The following DEPDC5 variants were observed in gnomAD, a reference collection of about 807,000 sequenced individuals.
DEPDC5 encodes DEP domain containing 5, GATOR1 subcomplex subunit.
DEPDC5 carries 73 observed loss-of-function variants against 217.3 expected under a neutral mutation model. That is an observed-to-expected ratio of 0.34 (90% CI 0.28 to 0.41). The LOEUF (loss-of-function observed/expected upper bound fraction) is 0.41. DEPDC5 is among the 10% of genes least tolerant of loss of function. The probability of loss-of-function intolerance (pLI) is 1.00; values close to 1 mark genes in which losing one functional copy is unlikely to be tolerated. For synonymous variants in DEPDC5, 733 were observed against 756.7 expected (o/e 0.97, Z 0.51); for missense variants, 1,675 against 2,070.1 (o/e 0.81, Z 3.70).
intron 12 of DEPDC5, among the ~76,000 whole-genome samples, 183 bp from the exon 13 acceptor site, chr22:31,797,417 G>A (rs1328791067): frequency 2.6e-5 from 4 of 151,934 alleles, no homozygotes; most frequent in South Asian, 2.1e-4. Context: ...ATCAGATATC[G>A]TGAGAACTCC....
At chr22:31,755,116 A>T in intron 2 of DEPDC5, 137 bp downstream of exon 2, 1 of 907,734 alleles carries the variant, frequency 1.1e-6, no homozygotes, top group Non-Finnish European at 1.7e-6. Flanking sequence ...AGCAACTGTC[A>T]TACAGTAACA....
chr22:31,814,515 A>G (rs1007639326), intron 20 of DEPDC5: 7 of 161,638 alleles, frequency 4.3e-5, no homozygotes, highest in African/African-American at 1.7e-4. Context: ...TGCTTTCTAC[A>G]TTTGGCTGAT....
chr22:31,803,953 T>C (rs1450480909), intron 15 of DEPDC5, among the ~76,000 whole-genome samples: 1 of 152,174 alleles, frequency 6.6e-6, no homozygotes, highest in Non-Finnish European at 1.5e-5. Context: ...CACCGAATAA[T>C]GATACGTTAG....
chr22:31,852,965 GGATGAA>G (rs1328021632), intron 31 of DEPDC5: 1 of 152,354 alleles, frequency 6.6e-6, no homozygotes, highest in East Asian at 1.9e-4. Flanking sequence ...GAAAAGGAAG[GGATGAA>G]GAACACGGCA....
chr22:31,859,432 C>T (rs2092434471), intron 32 of DEPDC5, among the ~76,000 whole-genome samples: 1 of 142,380 alleles, frequency 7.0e-6, no homozygotes, highest in Non-Finnish European at 1.5e-5. Flanking sequence ...GTCACCCAGG[C>T]TGAAGTGCAG....
Position 31,778,153 on chromosome 22 carries a change from C to T in DEPDC5, c.468C>T (p.Ile156=). Residue 156 remains isoleucine, a synonymous_variant, in exon 8 of 43, where the codon ATC becomes ATT. Transcript: ENST00000651528. ...ATGAGAAGGTCATGTGTGGCTACAT[C>T]AGTGAAGATACCAGGGTAAGATTTA... ...VKNEKVMCGY[I]SEDTRVVFRS... is the part of the protein sequence containing the mutation. 1 of 1,614,114 alleles carries T rather than the reference C, an allele frequency of 6.2e-7. No homozygotes were observed. Among genetic ancestry groups the T allele is most frequent in the Non-Finnish European group, 8.5e-7 (1 of 1,179,980 alleles).
At chr22:31,866,784 A>G (rs2092701231) in intron 33 of DEPDC5, among the ~76,000 whole-genome samples, 1 of 151,978 alleles carries the variant, frequency 6.6e-6, no homozygotes, top group Admixed American at 6.6e-5. Context: ...GTTTTTTTTC[A>G]TGGTTAGACT....
At chr22:31,874,493 A>G in intron 36 of DEPDC5, 88 bp downstream of exon 36, 1 of 1,466,422 alleles carries the variant, frequency 6.8e-7, no homozygotes, top group East Asian at 2.5e-5. Context: ...CTTTCCAGTA[A>G]TGAGATCTGC....
chr22:31,847,582 C>G (rs1003701112), intron 31 of DEPDC5, among the ~76,000 whole-genome samples: 1 of 152,148 alleles, frequency 6.6e-6, no homozygotes, highest in African/African-American at 2.4e-5. Flanking sequence ...GGAAAAGCCC[C>G]TTATAAAACC....
In DEPDC5 at chr22:31,833,861, A is replaced by G. The variant is rs567316709; in HGVS notation, c.2105-54A>G. 9.8e-6 allele frequency: 14 copies of G among 1,431,032 alleles called. No homozygotes were observed. In the South Asian group the frequency reaches 2.1e-4, roughly 22 times the overall value. The allele number at this position is 1,431,032 out of a possible 1,614,324, so 88.6% of individuals were successfully genotyped here. On this transcript the variant is annotated intron_variant, in intron 24 of 42. Transcript: ENST00000651528. ...GCCTTTTTCAACCATAACTGGTCAGAACTCTTTTGCAGAGTGAGCCTTCTT... is the reference window on the plus strand; with the variant it reads ...GCCTTTTTCAACCATAACTGGTCAGGACTCTTTTGCAGAGTGAGCCTTCTT...
intron 39 of DEPDC5, chr22:31,894,450 T>A (rs979086756): frequency 6.6e-6 from 1 of 152,174 alleles, no homozygotes; most frequent in East Asian, 1.9e-4. Context: ...GAGTTTTCTA[T>A]TATTTGTTTA....
chr22:31,792,203 C>A (rs2085743654), intron 11 of DEPDC5, 101 bp downstream of exon 11: 2 of 828,782 alleles, frequency 2.4e-6, no homozygotes, highest in Non-Finnish European at 4.0e-6. Flanking sequence ...CACTTTTCCA[C>A]CCTTCCCATC....
chr22:31,810,924 C>T (rs999115588), intron 20 of DEPDC5, among the ~76,000 whole-genome samples: 24 of 149,336 alleles, frequency 1.6e-4, no homozygotes, highest in African/African-American at 5.7e-4. Context: ...TACAGGCATG[C>T]GCCATCACGC....
intron 38 of DEPDC5, among the ~76,000 whole-genome samples, chr22:31,883,841 A>G (rs1263070954): frequency 6.6e-6 from 1 of 152,160 alleles, no homozygotes; most frequent in Non-Finnish European, 1.5e-5. Context: ...CTGCCCTGTG[A>G]TGAGGGACAC....
In DEPDC5 at chr22:31,826,238, C is replaced by A. The variant is rs116265683; in HGVS notation, c.2104+3448C>A. 9.4e-3 allele frequency among the ~76,000 whole-genome samples: 1,430 copies of A among 152,140 alleles called. 26 individuals carry two copies. Among genetic ancestry groups the A allele is most frequent in the African/African-American group, 0.031 (1,294 of 41,478 alleles). Reference sequence around the variant, plus strand: ...GGCAGTCTGGTCTCAAACTACTGGCCTCCTGTGATCTGCCCATCTCAGCCT... The same window carrying A: ...GGCAGTCTGGTCTCAAACTACTGGCATCCTGTGATCTGCCCATCTCAGCCT... On this transcript the variant is annotated intron_variant, in intron 24 of 42. Coordinates refer to ENST00000651528, the MANE Select transcript of DEPDC5 (RefSeq NM_001242896.3).
intron 21 of DEPDC5, 29 bp downstream of exon 21, chr22:31,815,241 A>G (rs776756838): frequency 3.1e-6 from 5 of 1,612,308 alleles, no homozygotes; most frequent in Non-Finnish European, 4.2e-6. Flanking sequence ...AGACAGAGCC[A>G]GGGACATCTT....
At chr22:31,843,283 A>T (rs2091508955) in intron 28 of DEPDC5, 71 bp downstream of exon 28, 2 of 1,427,022 alleles carry the variant, frequency 1.4e-6, no homozygotes, top group Non-Finnish European at 1.9e-6. Context: ...TTGTGTGTAT[A>T]GTACATCATT....
intron 20 of DEPDC5, among the ~76,000 whole-genome samples, chr22:31,811,155 C>A (rs374067680): frequency 6.7e-6 from 1 of 149,394 alleles, no homozygotes; most frequent in East Asian, 2.1e-4. Context: ...CTGCAACTTC[C>A]GCCTCCTGGG....
At chr22:31,844,673 A>C (rs1467072901) in intron 29 of DEPDC5, 2 of 244,810 alleles carry the variant, frequency 8.2e-6, no homozygotes, top group Non-Finnish European at 1.5e-5. Flanking sequence ...TCAAAGCAAA[A>C]ACTGCCTTTG....
Sources: allele counts gnomAD v4.1 joint callset (sites outside exome capture counted in the v4.1 genomes callset), GRCh38; gene constraint gnomAD v4.1.1; transcripts MANE v1.5; gene names NCBI Gene and HGNC (gene_info 2026-07-23, HGNC 2026-07-21).